The following RFTN2 variants were observed in gnomAD, a reference collection of about 807,000 sequenced individuals.
RFTN2 encodes the protein raftlin family member 2.
Under a neutral mutation model 52.7 loss-of-function variants are expected in RFTN2, and 34 were observed. That is an observed-to-expected ratio of 0.64 (90% CI 0.49 to 0.86). The LOEUF (loss-of-function observed/expected upper bound fraction) is 0.86. Among genes scored for constraint, RFTN2 ranks in the 40% least tolerant of loss-of-function variants. The probability of loss-of-function intolerance (pLI) is 0.00; values close to 1 mark genes in which losing one functional copy is unlikely to be tolerated. For missense variants in RFTN2, 536 were observed against 600.1 expected (o/e 0.89, Z 1.12); for synonymous variants, 203 against 217.7 (o/e 0.93, Z 0.59).
intron 7 of RFTN2, among the ~76,000 whole-genome samples, chr2:197,612,620 AG>A (rs1189287464): frequency 6.6e-6 from 1 of 152,244 alleles, no homozygotes; most frequent in Non-Finnish European, 1.5e-5. Context: ...ACAATTAAGA[AG>A]GGATTCTGGC....
At chr2:197,635,395 T>C (rs901069962) in intron 3 of RFTN2, among the ~76,000 whole-genome samples, 33 of 152,140 alleles carry the variant, frequency 2.2e-4, no homozygotes, top group Non-Finnish European at 1.2e-4. Context: ...CTCTCCAGCA[T>C]CTGTTGTTTC....
chr2:197,628,880 C>T lies in RFTN2; in HGVS notation c.928+2131G>A, dbSNP rs184788296. ...AGACTCAGTGAGCTCAACTAACTTC[C>T]GAAGATGACACAGCTAATAAGTAGA... On this transcript the variant is annotated intron_variant, in intron 5 of 8. Coordinates refer to ENST00000295049, the MANE Select transcript of RFTN2 (RefSeq NM_144629.3). Among the ~76,000 whole-genome samples the T allele has an allele frequency of 1.8e-3, 281 of 152,284 alleles. 3 individuals carry two copies. The highest frequency in any genetic ancestry group is 0.014 in the Admixed American group (213 of 15,296).
Position 197,600,219 on chromosome 2 carries a change from A to G in RFTN2, c.1155-4150T>C, listed in dbSNP as rs978837638. On this transcript the variant is annotated intron_variant, in intron 7 of 8. Transcript: ENST00000295049. ...ACGAGTAATGCCTTCCAGTGGCCCT[A>G]TGGGGAGTGCTGTTTGGGGAGTCTA... Among the ~76,000 whole-genome samples, 85 of 152,128 alleles carry G rather than the reference A, an allele frequency of 5.6e-4. 3 individuals are homozygous for G. The highest frequency in any genetic ancestry group is 1.5e-4 in the Non-Finnish European group (10 of 68,026).
chr2:197,619,134 TG>T (rs556904859), intron 5 of RFTN2, among the ~76,000 whole-genome samples: 3,165 of 140,350 alleles, frequency 0.023, 43 homozygotes, highest in Non-Finnish European at 0.031. Flanking sequence ...GGGAGGGAGG[TG>T]GGGGGGGTCA....
intron 8 of RFTN2, among the ~76,000 whole-genome samples, chr2:197,595,639 T>C (rs1427784126): frequency 6.6e-6 from 1 of 152,212 alleles, no homozygotes; most frequent in African/African-American, 2.4e-5. Context: ...TCTCTGGTGA[T>C]TAGACACGTT....
chr2:197,591,818 G>A (rs1257728293), intron 8 of RFTN2, among the ~76,000 whole-genome samples: 1 of 152,156 alleles, frequency 6.6e-6, no homozygotes, highest in Non-Finnish European at 1.5e-5. Flanking sequence ...CAATGCCTGG[G>A]GCCAGCCGGC....
intron 1 of RFTN2, among the ~76,000 whole-genome samples, chr2:197,664,597 C>T (rs2089024980): frequency 6.6e-6 from 1 of 151,762 alleles, no homozygotes; most frequent in Admixed American, 6.6e-5. Context: ...GAGTGAGACC[C>T]CTAGTTCTAC....
intron 8 of RFTN2, among the ~76,000 whole-genome samples, chr2:197,580,709 T>C (rs915864474): frequency 2.6e-5 from 4 of 152,176 alleles, no homozygotes; most frequent in Admixed American, 6.5e-5. Flanking sequence ...CCACTCTACA[T>C]TGCCTTATTT....
intron 8 of RFTN2, among the ~76,000 whole-genome samples, chr2:197,578,139 G>A (rs892311126): frequency 2.0e-5 from 3 of 152,130 alleles, no homozygotes; most frequent in Non-Finnish European, 4.4e-5. Flanking sequence ...TAGGGCCAAA[G>A]GTAAATTTTG....
chr2:197,577,767 G>C (rs1013305368), intron 8 of RFTN2, among the ~76,000 whole-genome samples: 1 of 152,118 alleles, frequency 6.6e-6, no homozygotes, highest in East Asian at 1.9e-4. Flanking sequence ...ACCACCTCCC[G>C]ACTTTTCAGA....
chr2:197,589,296 T>C (rs2087658212), intron 8 of RFTN2, among the ~76,000 whole-genome samples: 1 of 133,066 alleles, frequency 7.5e-6, no homozygotes, highest in African/African-American at 2.8e-5. Flanking sequence ...CCATCCACCA[T>C]CCACGTAAGA....
chr2:197,609,596 G>A (rs2088021902), intron 7 of RFTN2, among the ~76,000 whole-genome samples: 1 of 152,180 alleles, frequency 6.6e-6, no homozygotes, highest in African/African-American at 2.4e-5. Context: ...TGTTCACTCT[G>A]CTGATAGTTT....
intron 3 of RFTN2, among the ~76,000 whole-genome samples, chr2:197,639,089 G>T (rs1479842137): frequency 5.6e-5 from 8 of 141,864 alleles, no homozygotes; most frequent in Admixed American, 4.3e-4. Context: ...CTGGCTTGTA[G>T]GGTTTCTGCC....
At chr2:197,668,406 G>C (rs1390026683) in intron 1 of RFTN2, among the ~76,000 whole-genome samples, 1 of 152,156 alleles carries the variant, frequency 6.6e-6, no homozygotes, top group African/African-American at 2.4e-5. Flanking sequence ...CCACTGGGGA[G>C]GGAGGTGCTG....
At chr2:197,606,586 A>G (rs1341565859) in intron 7 of RFTN2, among the ~76,000 whole-genome samples, 2 of 152,152 alleles carry the variant, frequency 1.3e-5, no homozygotes, top group African/African-American at 4.8e-5. Context: ...CTCATCTGAC[A>G]AAGGACTAAT....
intron 1 of RFTN2, among the ~76,000 whole-genome samples, chr2:197,658,089 G>A (rs1431497351): frequency 2.6e-5 from 4 of 151,708 alleles, no homozygotes; most frequent in Admixed American, 2.6e-4. Flanking sequence ...TCTTTGATTT[G>A]ATGTTCTTAT....
At chr2:197,641,966 A>G (rs2045243) in intron 3 of RFTN2, among the ~76,000 whole-genome samples, 151,598 of 152,346 alleles carry the variant, frequency 1, 75,428 homozygotes, top group Middle Eastern at 1. Flanking sequence ...CTCTGACGGT[A>G]ATCTATTAAG....
chr2:197,642,117 C>G (rs977622373), intron 3 of RFTN2, among the ~76,000 whole-genome samples: 1 of 152,022 alleles, frequency 6.6e-6, no homozygotes, highest in Non-Finnish European at 1.5e-5. Context: ...GACTAAAAAC[C>G]CTTATTGAAT....
intron 1 of RFTN2, among the ~76,000 whole-genome samples, chr2:197,650,557 T>A (rs2088812291): frequency 6.6e-6 from 1 of 152,246 alleles, no homozygotes. Context: ...TAGGCCTTTT[T>A]GTGACTGGCT....
Sources: gnomAD v4.1 joint callset for allele counts (sites outside exome capture counted in the v4.1 genomes callset) on GRCh38, gnomAD v4.1.1 for gene constraint, MANE v1.5 for transcripts, NCBI Gene and HGNC (gene_info 2026-07-23, HGNC 2026-07-21) for gene names.